Variants in TENM3 observed in about 807,000 individuals in gnomAD.
TENM3 encodes teneurin transmembrane protein 3.
A neutral mutation model predicts 255.1 loss-of-function variants in TENM3; 63 were observed. The ratio of observed to expected loss-of-function variants is 0.25; its 90% CI spans 0.20 to 0.30. The LOEUF is 0.30. Ranked by LOEUF, TENM3 falls within the 10% of genes least tolerant of loss-of-function variation. The pLI, the probability that TENM3 is intolerant of heterozygous loss-of-function variation, is 1.00. For missense variants in TENM3, 2,929 were observed against 3,461.1 expected (o/e 0.85, Z 3.86); for synonymous variants, 1,306 against 1,322.3 (o/e 0.99, Z 0.27).
intron 1 of TENM3, among the ~76,000 whole-genome samples, chr4:182,210,157 A>C (rs568142511): frequency 6.6e-6 from 1 of 152,104 alleles, no homozygotes; most frequent in South Asian, 2.1e-4. Context: ...CCCTGCTCTC[A>C]CACCCTCGGG....
At chr4:181,653,394 T>G in the TENM3 span, among the ~76,000 whole-genome samples, 1 of 151,322 alleles carries the variant, frequency 6.6e-6, no homozygotes, top group Non-Finnish European at 1.5e-5. Context: ...CATTGTTTTG[T>G]TTTGTTTGTT....
chr4:182,497,506 T>C (rs1486510308), intron 3 of TENM3, among the ~76,000 whole-genome samples: 1 of 152,222 alleles, frequency 6.6e-6, no homozygotes, highest in East Asian at 1.9e-4. Context: ...TCTAAAAATA[T>C]GGAACATTTT....
chr4:182,252,876 C>G (rs1368900290), intron 1 of TENM3, among the ~76,000 whole-genome samples: 1 of 152,078 alleles, frequency 6.6e-6, no homozygotes, highest in Non-Finnish European at 1.5e-5. Context: ...GCTCTTAGTT[C>G]GGCAGACAAA....
At chr4:182,397,805 C>T (rs1037795613) in intron 3 of TENM3, among the ~76,000 whole-genome samples, 5 of 152,182 alleles carry the variant, frequency 3.3e-5, no homozygotes, top group East Asian at 3.9e-4. Flanking sequence ...CTATGACTTG[C>T]GAAGTTGCTG....
At chr4:181,449,124 A>G in the TENM3 span, among the ~76,000 whole-genome samples, 5 of 152,304 alleles carry the variant, frequency 3.3e-5, no homozygotes, top group East Asian at 7.7e-4. Flanking sequence ...ATTTTACACC[A>G]TATTTTTACA....
At chr4:182,505,750 C>G (rs1233568769) in intron 3 of TENM3, among the ~76,000 whole-genome samples, 1 of 152,148 alleles carries the variant, frequency 6.6e-6, no homozygotes, top group Non-Finnish European at 1.5e-5. Flanking sequence ...GCCACCACAC[C>G]CGGCCTGCTT....
At chr4:181,634,689 A>G in the TENM3 span, among the ~76,000 whole-genome samples, 1 of 152,206 alleles carries the variant, frequency 6.6e-6, no homozygotes, top group African/African-American at 2.4e-5. Context: ...ATGATCCATA[A>G]TTTACATCAA....
intron 3 of TENM3, among the ~76,000 whole-genome samples, chr4:182,391,967 T>C (rs1768458855): frequency 6.6e-6 from 1 of 152,196 alleles, no homozygotes; most frequent in African/African-American, 2.4e-5. Context: ...TGCTCAAATG[T>C]TTTGTTCCTT....
chr4:182,002,531 G>T, the TENM3 span, among the ~76,000 whole-genome samples: 3 of 151,978 alleles, frequency 2.0e-5, no homozygotes, highest in African/African-American at 7.2e-5. Context: ...TCCTGTGATG[G>T]TAATACTGCC....
At chr4:182,059,619 G>A in the TENM3 span, among the ~76,000 whole-genome samples, 1 of 151,898 alleles carries the variant, frequency 6.6e-6, no homozygotes, top group African/African-American at 2.4e-5. Flanking sequence ...CTTAAGAATA[G>A]TCTGTGGAAC....
Position 182,792,257 on chromosome 4 carries a change from A to G in TENM3, c.5602-17A>G, listed in dbSNP as rs371052899. ...CCGTTCACAAACACTGAGTAACAGT[A>G]TGTTCTCTCTTTACAGTCCATGGTT... On this transcript the variant is annotated splice_polypyrimidine_tract_variant and intron_variant, in intron 25 of 27. Coordinates refer to ENST00000511685, the MANE Select transcript of TENM3 (RefSeq NM_001080477.4). The surrounding 1 kb of genome is among the most constrained non-coding windows in gnomAD (Gnocchi z 6.3). 75 of 1,602,528 alleles carry G rather than the reference A, an allele frequency of 4.7e-5. No homozygotes were observed. The highest frequency in any genetic ancestry group is 5.0e-5 in the Admixed American group (3 of 59,422).
chr4:181,541,930 T>C, the TENM3 span, among the ~76,000 whole-genome samples: 6,710 of 152,228 alleles, frequency 0.044, 226 homozygotes, highest in South Asian at 0.15. Context: ...CATACAGAAA[T>C]TGGAAGTTGT....
chr4:181,553,835 A>G, the TENM3 span, among the ~76,000 whole-genome samples: 1 of 152,078 alleles, frequency 6.6e-6, no homozygotes, highest in Non-Finnish European at 1.5e-5. Context: ...GGACAAACTC[A>G]TAATTCTGAA....
the TENM3 span, among the ~76,000 whole-genome samples, chr4:182,045,716 A>C: frequency 6.6e-6 from 1 of 152,200 alleles, no homozygotes; most frequent in Non-Finnish European, 1.5e-5. Flanking sequence ...TATTATTTCA[A>C]TTTAGTCTGT....
chr4:182,624,944 G>A (rs747242036), intron 4 of TENM3, among the ~76,000 whole-genome samples: 13 of 152,216 alleles, frequency 8.5e-5, no homozygotes, highest in Non-Finnish European at 1.6e-4. Context: ...ATGGAGAGTA[G>A]AGGGAACAGG....
intron 22 of TENM3, among the ~76,000 whole-genome samples, chr4:182,768,388 T>C (rs1039594044): frequency 2.0e-5 from 3 of 152,184 alleles, no homozygotes; most frequent in African/African-American, 7.2e-5. Context: ...ATTGGGTTGG[T>C]AACAGTCTAA....
At chr4:182,003,083 G>C in the TENM3 span, among the ~76,000 whole-genome samples, 1 of 151,990 alleles carries the variant, frequency 6.6e-6, no homozygotes, top group Non-Finnish European at 1.5e-5. Flanking sequence ...GGTATTTCTG[G>C]AAATACAAAT....
At chr4:182,104,789 C>G in the TENM3 span, among the ~76,000 whole-genome samples, 1 of 152,052 alleles carries the variant, frequency 6.6e-6, no homozygotes, top group African/African-American at 2.4e-5. Context: ...GCTGGGATTA[C>G]AGGGTGAGCC....
At chr4:182,150,426 C>T (rs1387867116) in intron 1 of TENM3, among the ~76,000 whole-genome samples, 1 of 151,848 alleles carries the variant, frequency 6.6e-6, no homozygotes, top group Admixed American at 6.6e-5. Context: ...AATTTTTTCA[C>T]TTTTAAATAT....
Sources: allele counts gnomAD v4.1 joint callset (sites outside exome capture counted in the v4.1 genomes callset), GRCh38; gene constraint gnomAD v4.1.1; non-coding constraint Gnocchi (gnomAD v3.1); transcripts MANE v1.5; gene names NCBI Gene and HGNC (gene_info 2026-07-23, HGNC 2026-07-21).